The following ZNF3 variants were observed in gnomAD, a reference collection of about 807,000 sequenced individuals.
ZNF3 encodes the protein C2-H2 type zinc finger protein.
A neutral mutation model predicts 36.9 loss-of-function variants in ZNF3; 16 were observed. That is an observed-to-expected ratio of 0.43 (90% CI 0.29 to 0.66). The LOEUF (loss-of-function observed/expected upper bound fraction) is 0.66, where lower values mean the gene tolerates loss of function less well. Among genes scored for constraint, ZNF3 ranks in the 30% least tolerant of loss-of-function variants. The pLI is 0.13. For synonymous variants in ZNF3, 201 were observed against 201.9 expected (o/e 1.00, Z 0.04); for missense variants, 462 against 543.1 (o/e 0.85, Z 1.48).
At position 100,071,373 on chromosome 7, in the gene ZNF3, T is replaced by C. The variant is rs1395876050; in HGVS notation, c.1111A>G (p.Met371Val). 1.9e-6 allele frequency: 3 copies of C among 1,614,092 alleles called. No homozygotes were observed. Among genetic ancestry groups the C allele is most frequent in the Admixed American group, 3.3e-5 (2 of 59,998 alleles). The change falls in exon 6 of 6, where the codon ATG becomes GTG. Residue 371 changes from methionine (M) to valine (V), a missense_variant. By Grantham distance (21) the Met-to-Val change is conservative. Coordinates refer to ENST00000299667, the MANE Select transcript of ZNF3 (RefSeq NM_032924.5). ...TAGGTAAACTTTCCTCCACATTCCATACATTCGTAGGGCTTCTCTCCAGTG... is the reference window on the plus strand; with the variant it reads ...TAGGTAAACTTTCCTCCACATTCCACACATTCGTAGGGCTTCTCTCCAGTG... ...IHTGEKPYEC[M>V]ECGGKFTYSS...
rs76593294 is a variant in ZNF3 at position 100,073,169 on chromosome 7, C to T, written c.272-957G>A. ...AGGTTTATCTGCTCACCCTGAGAGT[C>T]CCAGAGCTCAATTCCAGACCCCAGA... On this transcript the variant is annotated intron_variant, in intron 5 of 5. Coordinates refer to ENST00000299667, the MANE Select transcript of ZNF3 (RefSeq NM_032924.5). Among the ~76,000 whole-genome samples the T allele has an allele frequency of 4.3e-3, 658 of 152,150 alleles. 4 individuals are homozygous for T. The highest frequency in any genetic ancestry group is 6.1e-3 in the Non-Finnish European group (412 of 68,008).
chr7:100,076,749 C>T (rs1794179556), intron 3 of ZNF3, among the ~76,000 whole-genome samples: 1 of 152,136 alleles, frequency 6.6e-6, no homozygotes. Context: ...GAATGATTGA[C>T]ACGGTTTCAT....
downstream of ZNF3, chr7:100,064,005 T>C (rs1792491284): frequency 1.9e-6 from 3 of 1,614,020 alleles, no homozygotes; most frequent in Non-Finnish European, 2.5e-6. Flanking sequence ...CTACTAAACC[T>C]ACCCCAGGAG....
At chr7:100,080,655 T>G (rs955546627) in intron 1 of ZNF3, among the ~76,000 whole-genome samples, 1 of 151,846 alleles carries the variant, frequency 6.6e-6, no homozygotes, top group African/African-American at 2.4e-5. Context: ...CTACTAAAAA[T>G]ACAAAAAATT....
chr7:100,070,531 G>A lies in ZNF3; in HGVS notation c.*612C>T. ...CTGGCAATATCACCAGGTTTCTCTT[G>A]GAAACATGGTCTGGCTGCTCCAAGA... On this transcript the variant is annotated 3_prime_UTR_variant, in exon 6 of 6. Coordinates refer to ENST00000299667, the MANE Select transcript of ZNF3 (RefSeq NM_032924.5). 1.0e-6 allele frequency: 1 copy of A among 985,544 alleles called. No individual in the cohort carries two copies. Among genetic ancestry groups the A allele is most frequent in the Non-Finnish European group, 1.2e-6 (1 of 830,088 alleles). The allele number at this position is 985,544 out of a possible 1,614,324, so 61.0% of individuals were successfully genotyped here. A position where few individuals can be genotyped will look rare whatever the true frequency, so the allele number is the denominator to read the frequency against.
rs1792938490 is a variant in ZNF3, at chr7:100,070,376, C to G, written c.*767G>C. On this transcript the variant is annotated 3_prime_UTR_variant, in exon 6 of 6. Transcript: ENST00000299667. ...TTTCATCATTGGAGTGGGAAGAGGA[C>G]AAGAGAGGACAGCAATCAGAGGCCA... The G allele has an allele frequency of 8.1e-6, 8 of 985,434 alleles. No homozygotes were observed. The South Asian group carries it at 3.8e-4, about 46-fold the overall frequency. The allele number at this position is 985,434 out of a possible 1,614,324, so 61.0% of individuals were successfully genotyped here.
exon 6 of ZNF3, chr7:100,064,178 T>TG: frequency 1.9e-6 from 3 of 1,613,636 alleles, no homozygotes; most frequent in Non-Finnish European, 1.7e-6. Context: ...AGAACACACT[T>TG]GGTGGACCGG....
chr7:100,077,090 AAAAC>A lies in ZNF3; in HGVS notation c.55+209_55+212del, dbSNP rs1223650701. The A allele has an allele frequency of 1.4e-5, 8 of 553,384 alleles. No homozygotes were observed. The Admixed American group carries it at 1.5e-4, about 10-fold the overall frequency. 34.3% of individuals were successfully genotyped at this position (553,384 alleles called of 1,614,324 possible). ...CATCTCAAAAAAAACAAAACAAAAC[AAAAC>A]AATCTGCCTCAATTATCAAACCTAT... On this transcript the variant is annotated intron_variant, in intron 3 of 5. Transcript: ENST00000299667.
intron 1 of ZNF3, among the ~76,000 whole-genome samples, chr7:100,080,147 T>G (rs2116474318): frequency 6.6e-6 from 1 of 152,346 alleles, no homozygotes; most frequent in Non-Finnish European, 1.5e-5. Flanking sequence ...TGGTAGGTTC[T>G]CAGGTCCACC....
chr7:100,072,468 G>T (rs1793349257), intron 5 of ZNF3, among the ~76,000 whole-genome samples: 1 of 152,168 alleles, frequency 6.6e-6, no homozygotes, highest in Non-Finnish European at 1.5e-5. Context: ...GGGGAGGACG[G>T]ATCAGGCAGA....
intron 2 of ZNF3, chr7:100,079,149 C>T (rs962702412): frequency 6.6e-6 from 1 of 152,266 alleles, no homozygotes; most frequent in Non-Finnish European, 1.5e-5. Context: ...AATGGTGTCT[C>T]AGAGCCAACC....
chr7:100,078,224 CGGT>C (rs941552677), intron 2 of ZNF3, among the ~76,000 whole-genome samples: 8 of 151,792 alleles, frequency 5.3e-5, no homozygotes, highest in Admixed American at 1.3e-4. Context: ...AGGCTGGGCA[CGGT>C]GGCTCATGCC....
At chr7:100,069,620 CT>C (rs1195614527), downstream of ZNF3, among the ~76,000 whole-genome samples, 24 of 142,918 alleles carry the variant, frequency 1.7e-4, no homozygotes, top group African/African-American at 3.3e-4. Context: ...CATGTCTTGT[CT>C]TTTTTTTTTG....
chr7:100,070,818 C>A lies in ZNF3; in HGVS notation c.*325G>T, dbSNP rs999587655. On this transcript the variant is annotated 3_prime_UTR_variant, in exon 6 of 6. Coordinates refer to ENST00000299667, the MANE Select transcript of ZNF3 (RefSeq NM_032924.5). ...GCGGACTCCAACTAAAGGAATCCAT[C>A]GAATTCTGTCCCGACTGTGCTTCCA... 1.8e-6 allele frequency: 2 copies of A among 1,099,532 alleles called. No homozygotes were observed. Among genetic ancestry groups the A allele is most frequent in the Admixed American group, 4.6e-5 (1 of 21,520 alleles). The allele number at this position is 1,099,532 out of a possible 1,614,324, so 68.1% of individuals were successfully genotyped here.
rs557011819 is a variant in ZNF3, at chr7:100,064,257, C to T, written c.*531G>A. On this transcript the variant is annotated 3_prime_UTR_variant, in exon 6 of 6. Coordinates refer to the ZNF3 transcript ENST00000413658. ...ACCTTCTTAAACATCAGAGAATGCACACAGAAGAGGCGCCATATCAGTGCA... is the reference window on the plus strand; with the variant it reads ...ACCTTCTTAAACATCAGAGAATGCATACAGAAGAGGCGCCATATCAGTGCA... The T allele has an allele frequency of 5.0e-6, 8 of 1,614,122 alleles. No homozygotes were observed. In the South Asian group the frequency reaches 7.7e-5, roughly 16 times the overall value.
downstream of ZNF3, among the ~76,000 whole-genome samples, chr7:100,065,691 C>G (rs1023699792): frequency 1.3e-5 from 2 of 151,456 alleles, no homozygotes; most frequent in Non-Finnish European, 2.9e-5. Flanking sequence ...GCAGGGTGTG[C>G]AGGAGTTTCC....
At position 100,075,638 on chromosome 7, in the gene ZNF3, G is replaced by A; in HGVS notation, c.56-8C>T. 1.2e-6 allele frequency: 2 copies of A among 1,613,728 alleles called. No individual in the cohort carries two copies. Among genetic ancestry groups the A allele is most frequent in the South Asian group, 1.1e-5 (1 of 91,028 alleles). ...GAACTTTTGAAGGAAGAGCTGAAGG[G>A]CAATAAAAGGGCCCAGGAATGAGTC... On this transcript the variant is annotated splice_region_variant and splice_polypyrimidine_tract_variant and intron_variant, in intron 3 of 5. Coordinates refer to ENST00000299667, the MANE Select transcript of ZNF3 (RefSeq NM_032924.5).
upstream of ZNF3, chr7:100,082,557 G>C (rs375443629): frequency 2.2e-4 from 34 of 152,678 alleles, no homozygotes; most frequent in African/African-American, 8.2e-4. Flanking sequence ...CTGTACTCCA[G>C]GCTGGCCACA....
At chr7:100,064,305 C>T (rs369446597) in exon 6 of ZNF3, 13 of 1,613,792 alleles carry the variant, frequency 8.1e-6, no homozygotes, top group East Asian at 2.2e-5. Flanking sequence ...AGGCTTTCAG[C>T]GGGAAAGGCA....
Sources: gnomAD v4.1 joint callset for allele counts (sites outside exome capture counted in the v4.1 genomes callset) on GRCh38, gnomAD v4.1.1 for gene constraint, MANE v1.5 for transcripts, NCBI Gene and HGNC (gene_info 2026-07-23, HGNC 2026-07-21) for gene names.